The following CLPB variants were observed in gnomAD, a reference collection of about 807,000 sequenced individuals.
CLPB encodes ClpB family mitochondrial disaggregase.
CLPB carries 40 observed loss-of-function variants against 78.4 expected under a neutral mutation model. The observed-to-expected ratio is 0.51, with a 90% confidence interval of 0.40 to 0.66. The LOEUF is 0.66. Ranked by LOEUF, CLPB falls within the 30% of genes least tolerant of loss-of-function variation. The pLI, the probability that CLPB is intolerant of heterozygous loss-of-function variation, is 0.00. For synonymous variants in CLPB, 333 were observed against 348.0 expected, an observed-to-expected ratio of 0.96 and a Z score of 0.48; for missense variants, 780 against 886.9, an observed-to-expected ratio of 0.88 and a Z score of 1.53.
intron 5 of CLPB, among the ~76,000 whole-genome samples, chr11:72,333,684 G>T (rs1950268591): frequency 6.6e-6 from 1 of 152,172 alleles, no homozygotes; most frequent in Admixed American, 6.5e-5. Context: ...CTGAAGGAGG[G>T]ACAGGCGGCA....
In CLPB at chr11:72,287,215, C is replaced by T. The variant is rs1949401167; in HGVS notation, c.*6152G>A. On this transcript the variant is annotated 3_prime_UTR_variant, in exon 16 of 16. Coordinates refer to ENST00000538039, the MANE Select transcript of CLPB (RefSeq NM_001258392.3). ...ATCTATTTTGGGGGTTGAGTGATGG[C>T]TATAGGAGTGTGTTTACTTTGTAAT... The T allele has an allele frequency of 6.6e-6, 1 of 152,102 alleles. No homozygotes were observed. Among genetic ancestry groups the T allele is most frequent in the African/African-American group, 2.4e-5 (1 of 41,414 alleles). The allele number at this position is 152,102 out of a possible 1,614,324, so 9.4% of individuals were successfully genotyped here. A position where few individuals can be genotyped will look rare whatever the true frequency, so the allele number is the denominator to read the frequency against.
chr11:72,402,817 G>A (rs897023744), intron 3 of CLPB, 149 bp downstream of exon 3: 6 of 629,340 alleles, frequency 9.5e-6, no homozygotes, highest in Non-Finnish European at 1.1e-5. Flanking sequence ...ACAGTCCAAT[G>A]CACCAGGTGA....
intron 2 of CLPB, among the ~76,000 whole-genome samples, chr11:72,412,520 C>T (rs1855908236): frequency 6.6e-6 from 1 of 152,196 alleles, no homozygotes; most frequent in African/African-American, 2.4e-5. Flanking sequence ...TCCTTTTACA[C>T]ACACAGATAG....
intron 3 of CLPB, among the ~76,000 whole-genome samples, chr11:72,381,228 T>A (rs760694362): frequency 6.6e-6 from 1 of 152,064 alleles, no homozygotes; most frequent in Non-Finnish European, 1.5e-5. Flanking sequence ...CATACACTCA[T>A]GGGGGAAGGA....
intron 3 of CLPB, among the ~76,000 whole-genome samples, 161 bp from the exon 4 acceptor site, chr11:72,380,545 A>G (rs1854880062): frequency 6.6e-6 from 1 of 152,208 alleles, no homozygotes; most frequent in Non-Finnish European, 1.5e-5. Context: ...AGACAAGGAT[A>G]GGAAAGACAG....
intron 15 of CLPB, 53 bp downstream of exon 15, chr11:72,293,969 G>C: frequency 6.7e-7 from 1 of 1,483,030 alleles, no homozygotes; most frequent in Non-Finnish European, 9.3e-7. Context: ...GGTCTGGGGG[G>C]CCCTGGGGAG....
At chr11:72,317,942 C>T (rs543572110) in intron 6 of CLPB, among the ~76,000 whole-genome samples, 10 of 152,350 alleles carry the variant, frequency 6.6e-5, no homozygotes, top group South Asian at 4.1e-4. Context: ...AGAGGAGACC[C>T]GGGCTTGCCC....
chr11:72,351,939 G>A (rs1950621339), intron 5 of CLPB, among the ~76,000 whole-genome samples: 2 of 151,906 alleles, frequency 1.3e-5, no homozygotes, highest in African/African-American at 4.8e-5. Flanking sequence ...AGTACATAAG[G>A]ATACAACTCA....
intron 1 of CLPB, among the ~76,000 whole-genome samples, chr11:72,430,813 A>C (rs933693507): frequency 6.6e-6 from 1 of 152,194 alleles, no homozygotes; most frequent in South Asian, 2.1e-4. Flanking sequence ...GAAAGGTAGA[A>C]TGGAGAGGAG....
chr11:72,334,998 T>A (rs534750018), intron 5 of CLPB, among the ~76,000 whole-genome samples: 13 of 152,264 alleles, frequency 8.5e-5, no homozygotes, highest in African/African-American at 2.2e-4. Flanking sequence ...GTCAGTGGTA[T>A]TGAAAAAAGT....
intron 4 of CLPB, among the ~76,000 whole-genome samples, chr11:72,373,371 AC>A (rs1951080097): frequency 6.6e-6 from 1 of 152,162 alleles, no homozygotes; most frequent in Non-Finnish European, 1.5e-5. Flanking sequence ...CGACTTGTTT[AC>A]TGTTACCACT....
intron 2 of CLPB, among the ~76,000 whole-genome samples, chr11:72,426,618 T>C (rs537430777): frequency 1.5e-4 from 23 of 151,472 alleles, no homozygotes; most frequent in Non-Finnish European, 2.8e-4. Context: ...CCAAGGGGAG[T>C]GTGAAAGCCT....
chr11:72,294,552 T>C, intron 13 of CLPB, 68 bp downstream of exon 13: 2 of 1,607,414 alleles, frequency 1.2e-6, no homozygotes, highest in Middle Eastern at 1.7e-4. Flanking sequence ...TCCAGATCTT[T>C]AGGATGGCTA....
chr11:72,294,157 A>G, intron 14 of CLPB, 31 bp from the exon 15 acceptor site: 1 of 1,610,222 alleles, frequency 6.2e-7, no homozygotes, highest in Non-Finnish European at 8.5e-7. Context: ...GCATGCCTGC[A>G]TGTGGCCCAC....
rs148643405 is a variant in CLPB at position 72,319,571 on chromosome 11, C to T, written c.874-2351G>A. Among the ~76,000 whole-genome samples, 37 of 152,348 alleles carry T rather than the reference C, an allele frequency of 2.4e-4. 1 individual carries two copies. The highest frequency in any genetic ancestry group is 8.4e-4 in the African/African-American group (35 of 41,580). ...ACCTGAGTTCACCCCTCAACTTCAT[C>T]TACTTCCTAGCTAGCTGACCTTGGG... On this transcript the variant is annotated intron_variant, in intron 6 of 15. Transcript: ENST00000538039.
At chr11:72,415,890 CA>C (rs1856008030) in intron 2 of CLPB, among the ~76,000 whole-genome samples, 1 of 152,090 alleles carries the variant, frequency 6.6e-6, no homozygotes, top group Non-Finnish European at 1.5e-5. Context: ...GAGAGGGCAC[CA>C]AAACTTTCTA....
At chr11:72,427,075 C>G (rs1336610209) in intron 2 of CLPB, among the ~76,000 whole-genome samples, 2 of 152,226 alleles carry the variant, frequency 1.3e-5, no homozygotes, top group Non-Finnish European at 2.9e-5. Flanking sequence ...AAGGTGTAAG[C>G]AGAGGATAAT....
chr11:72,288,957 T>G lies in CLPB; in HGVS notation c.*4410A>C, dbSNP rs1030300335. 1 of 152,064 alleles carries G rather than the reference T, an allele frequency of 6.6e-6. No homozygotes were observed. Among genetic ancestry groups the G allele is most frequent in the African/African-American group, 2.4e-5 (1 of 41,390 alleles). 9.4% of individuals were successfully genotyped at this position (152,064 alleles called of 1,614,324 possible). ...CCAGGCTGGAGTGCAGTGGCACAAT[T>G]TCGGCTCACTGCAACCTCCACCTCC... is the stretch of plus-strand genomic sequence containing the variant. On this transcript the variant is annotated 3_prime_UTR_variant, in exon 16 of 16. Coordinates refer to ENST00000538039, the MANE Select transcript of CLPB (RefSeq NM_001258392.3).
At chr11:72,409,438 G>A (rs1855809053) in intron 2 of CLPB, among the ~76,000 whole-genome samples, 1 of 152,054 alleles carries the variant, frequency 6.6e-6, no homozygotes. Context: ...ACAAAAATTA[G>A]CCGGGCGTGG....
Sources: gnomAD v4.1 joint callset for allele counts (sites outside exome capture counted in the v4.1 genomes callset) on GRCh38, gnomAD v4.1.1 for gene constraint, MANE v1.5 for transcripts, NCBI Gene and HGNC (gene_info 2026-07-23, HGNC 2026-07-21) for gene names.